Variants in ADGRL2 observed in about 807,000 individuals in gnomAD.
ADGRL2 encodes the protein adhesion G protein-coupled receptor L2, also known as calcium-independent alpha-latrotoxin receptor 2.
ADGRL2 carries 44 observed loss-of-function variants against 157.4 expected under a neutral mutation model. The observed-to-expected ratio is 0.28, with a 90% confidence interval of 0.22 to 0.36. The LOEUF (loss-of-function observed/expected upper bound fraction) is 0.36. Among genes scored for constraint, ADGRL2 ranks in the 10% least tolerant of loss-of-function variants. ADGRL2 has a pLI of 1.00. For synonymous variants in ADGRL2, 585 were observed against 624.7 expected, an observed-to-expected ratio of 0.94 and a Z score of 0.95; for missense variants, 1,510 against 1,768.9, an observed-to-expected ratio of 0.85 and a Z score of 2.63.
At chr1:81,687,404 G>C (rs1254058887) in intron 3 of ADGRL2, among the ~76,000 whole-genome samples, 2 of 152,110 alleles carry the variant, frequency 1.3e-5, no homozygotes, top group Non-Finnish European at 2.9e-5. Context: ...GTCTCTCTTT[G>C]TCTCTTTTAA....
intron 6 of ADGRL2, among the ~76,000 whole-genome samples, chr1:81,949,875 A>G (rs983442537): frequency 6.6e-6 from 1 of 152,344 alleles, no homozygotes; most frequent in South Asian, 2.1e-4. Flanking sequence ...GTTAAACAGT[A>G]TGTGATGAAA....
chr1:81,606,094 T>C (rs1304369288), intron 3 of ADGRL2, among the ~76,000 whole-genome samples: 1 of 152,208 alleles, frequency 6.6e-6, no homozygotes, highest in Non-Finnish European at 1.5e-5. Flanking sequence ...TTATAGCTTG[T>C]CGTGAGCTCC....
chr1:81,832,529 A>G (rs984121685), intron 1 of ADGRL2, among the ~76,000 whole-genome samples: 2 of 152,222 alleles, frequency 1.3e-5, no homozygotes, highest in African/African-American at 4.8e-5. Flanking sequence ...CTGAGTGTCT[A>G]CTATGTCTGC....
chr1:81,681,892 T>A (rs1256478315), intron 3 of ADGRL2, among the ~76,000 whole-genome samples: 1 of 152,196 alleles, frequency 6.6e-6, no homozygotes, highest in Non-Finnish European at 1.5e-5. Flanking sequence ...TGACCTACAG[T>A]TACTTGAATG....
chr1:81,673,370 G>A (rs1377981110), intron 3 of ADGRL2, among the ~76,000 whole-genome samples: 1 of 151,928 alleles, frequency 6.6e-6, no homozygotes, highest in African/African-American at 2.4e-5. Flanking sequence ...TATTTCTCTA[G>A]TCAGAATTAT....
At chr1:81,496,798 G>A (rs746118521) in intron 2 of ADGRL2, among the ~76,000 whole-genome samples, 17 of 152,122 alleles carry the variant, frequency 1.1e-4, no homozygotes, top group South Asian at 6.2e-4. Context: ...AACAGACTTA[G>A]CAACAAGTGT....
chr1:81,436,003 G>A (rs1408155001), intron 1 of ADGRL2, among the ~76,000 whole-genome samples: 1 of 152,118 alleles, frequency 6.6e-6, no homozygotes, highest in Non-Finnish European at 1.5e-5. Flanking sequence ...GCTGAGGCAG[G>A]AGAATCACTT....
chr1:81,990,685 C>T lies in ADGRL2; in HGVS notation c.3950C>T (p.Ser1317Phe). The T allele has an allele frequency of 6.2e-7, 1 of 1,614,156 alleles. No homozygotes were observed. Among genetic ancestry groups the T allele is most frequent in the African/African-American group, 1.3e-5 (1 of 75,048 alleles). ...GATGCTATTGTGGCAGATGCTTCATCTTTAATGCACAGCGACAACCCAGGG... is the reference window on the plus strand; with the variant it reads ...GATGCTATTGTGGCAGATGCTTCATTTTTAATGCACAGCGACAACCCAGGG... ...EDDAIVADAS[S>F]LMHSDNPGLE... is the part of the protein sequence containing the mutation. The change falls in exon 24 of 24, where the codon TCT becomes TTT. Residue 1317 changes from serine (S) to phenylalanine (F), a missense_variant. Ser to Phe is a radical substitution (Grantham distance 155, BLOSUM62 -2). Around this residue, in one of 4 missense-constraint regions of ADGRL2, gnomAD observed 327 missense variants for 310.1 expected, o/e 1.05. Coordinates refer to ENST00000686636, the MANE Select transcript of ADGRL2 (RefSeq NM_001366006.2).
At chr1:81,741,175 T>C (rs2085061248) in intron 1 of ADGRL2, among the ~76,000 whole-genome samples, 1 of 147,848 alleles carries the variant, frequency 6.8e-6, no homozygotes, top group African/African-American at 2.5e-5. Flanking sequence ...TAAAATGAAG[T>C]TGAAGAGTGA....
chr1:81,390,958 A>G (rs1354954949), intron 1 of ADGRL2, among the ~76,000 whole-genome samples: 4 of 152,292 alleles, frequency 2.6e-5, no homozygotes, highest in African/African-American at 9.6e-5. Flanking sequence ...TGCGTCATGT[A>G]TTTTCTCAAT....
chr1:81,808,368 C>T (rs1306586633), intron 1 of ADGRL2, among the ~76,000 whole-genome samples: 3 of 151,946 alleles, frequency 2.0e-5, no homozygotes, highest in African/African-American at 7.2e-5. Flanking sequence ...CAAAAGTTAC[C>T]ATGTTCACAG....
At chr1:81,939,608 G>C (rs1206556981) in intron 4 of ADGRL2, among the ~76,000 whole-genome samples, 1 of 151,418 alleles carries the variant, frequency 6.6e-6, no homozygotes, top group Non-Finnish European at 1.5e-5. Flanking sequence ...TTAATTTCTT[G>C]TCTTGCATAT....
chr1:81,678,429 A>G (rs2083040324), intron 3 of ADGRL2, among the ~76,000 whole-genome samples: 1 of 152,222 alleles, frequency 6.6e-6, no homozygotes, highest in South Asian at 2.1e-4. Context: ...AGGGATGTCT[A>G]CAAAACAAAA....
intron 12 of ADGRL2, 88 bp downstream of exon 12, chr1:81,966,271 CA>C: frequency 2.6e-6 from 4 of 1,557,286 alleles, no homozygotes; most frequent in Non-Finnish European, 8.7e-7. Flanking sequence ...CCTTATATAA[CA>C]AAAAAACGGC....
intron 11 of ADGRL2, among the ~76,000 whole-genome samples, chr1:81,961,468 C>T (rs1012311452): frequency 6.0e-5 from 9 of 150,428 alleles, no homozygotes; most frequent in African/African-American, 2.2e-4. Flanking sequence ...AGGTTTTTAA[C>T]ATTAATTTCA....
intron 2 of ADGRL2, among the ~76,000 whole-genome samples, chr1:81,839,879 A>G (rs1484647479): frequency 6.8e-6 from 1 of 146,130 alleles, no homozygotes; most frequent in Admixed American, 7.0e-5. Flanking sequence ...CATCATATAT[A>G]TATATTTTCC....
At chr1:81,430,378 C>T (rs2077298171) in intron 1 of ADGRL2, among the ~76,000 whole-genome samples, 1 of 152,164 alleles carries the variant, frequency 6.6e-6, no homozygotes, top group South Asian at 2.1e-4. Context: ...TAGAGAAGCC[C>T]TGCCTCTTCT....
chr1:81,364,110 C>T (rs2076023818), intron 1 of ADGRL2, among the ~76,000 whole-genome samples: 1 of 152,118 alleles, frequency 6.6e-6, no homozygotes, highest in Non-Finnish European at 1.5e-5. Context: ...CCCCACTCCC[C>T]CTTACCCCCA....
At chr1:81,608,314 G>T (rs1008005694) in intron 3 of ADGRL2, among the ~76,000 whole-genome samples, 13 of 152,116 alleles carry the variant, frequency 8.5e-5, no homozygotes, top group East Asian at 1.9e-4. Context: ...TGCTCTCCAT[G>T]CATGAGGCAT....
Sources: allele counts gnomAD v4.1 joint callset (sites outside exome capture counted in the v4.1 genomes callset), GRCh38; gene constraint gnomAD v4.1.1; regional missense constraint gnomAD v4.1.1; transcripts MANE v1.5; gene names NCBI Gene and HGNC (gene_info 2026-07-23, HGNC 2026-07-21).